The following RBM47 variants were observed in gnomAD, a reference collection of about 807,000 sequenced individuals.
RBM47 encodes RNA binding motif protein 47, also known as RNA-binding protein 47.
Under a neutral mutation model 47.1 loss-of-function variants are expected in RBM47, and 21 were observed. The observed-to-expected ratio is 0.45, with a 90% CI of 0.32 to 0.64. The LOEUF is 0.64. Ranked by LOEUF, RBM47 falls within the 30% of genes least tolerant of loss-of-function variation. The pLI, the probability that RBM47 is intolerant of heterozygous loss-of-function variation, is 0.05. For missense variants in RBM47, 708 were observed against 870.9 expected (o/e 0.81, Z 2.35); for synonymous variants, 375 against 361.7 (o/e 1.04, Z -0.42).
intron 2 of RBM47, among the ~76,000 whole-genome samples, chr4:40,477,790 C>G (rs1035803447): frequency 1.3e-5 from 2 of 152,046 alleles, no homozygotes; most frequent in African/African-American, 4.8e-5. Context: ...AAAAAATGAG[C>G]AAATTTTTCC....
At chr4:40,527,365 C>A (rs1291137841) in intron 2 of RBM47, among the ~76,000 whole-genome samples, 1 of 151,144 alleles carries the variant, frequency 6.6e-6, no homozygotes, top group African/African-American at 2.4e-5. Flanking sequence ...CGGCTCACTG[C>A]AACCTCTGCC....
chr4:40,590,071 A>C (rs1020678432), intron 1 of RBM47, among the ~76,000 whole-genome samples: 5 of 152,182 alleles, frequency 3.3e-5, no homozygotes, highest in African/African-American at 1.2e-4. Context: ...TTCCCCAAAC[A>C]TTAGGGACAG....
chr4:40,434,624 C>A (rs1007461013), intron 5 of RBM47, among the ~76,000 whole-genome samples: 1 of 31,106 alleles, frequency 3.2e-5, no homozygotes. Context: ...TTACTTTGCC[C>A]ACAGTGCCAA....
chr4:40,502,741 G>C (rs1015353972), intron 2 of RBM47, among the ~76,000 whole-genome samples: 1 of 151,790 alleles, frequency 6.6e-6, no homozygotes, highest in Non-Finnish European at 1.5e-5. Context: ...AGCTATTCAG[G>C]AGGTTGAGGC....
intron 2 of RBM47, among the ~76,000 whole-genome samples, chr4:40,496,808 G>C (rs978359848): frequency 6.6e-6 from 1 of 152,170 alleles, no homozygotes; most frequent in Non-Finnish European, 1.5e-5. Context: ...GGGAGGCAAA[G>C]GTGGGTGGAT....
intron 1 of RBM47, among the ~76,000 whole-genome samples, chr4:40,616,227 G>C (rs1197736396): frequency 6.6e-6 from 1 of 152,086 alleles, no homozygotes; most frequent in East Asian, 1.9e-4. Flanking sequence ...GGTGGCGGGC[G>C]CCTGTAGTCC....
chr4:40,576,042 G>A (rs1002723156), intron 1 of RBM47, among the ~76,000 whole-genome samples: 2 of 152,206 alleles, frequency 1.3e-5, no homozygotes, highest in Admixed American at 1.3e-4. Context: ...GTTCTCCTTT[G>A]GATCGGACAC....
intron 1 of RBM47, among the ~76,000 whole-genome samples, chr4:40,556,199 C>G (rs1015873518): frequency 2.6e-5 from 4 of 151,854 alleles, no homozygotes; most frequent in East Asian, 1.9e-4. Flanking sequence ...CCGCGTCTGG[C>G]TTATTTTTGT....
chr4:40,513,924 G>A (rs1379066498), intron 2 of RBM47, among the ~76,000 whole-genome samples: 1 of 151,930 alleles, frequency 6.6e-6, no homozygotes, highest in Non-Finnish European at 1.5e-5. Context: ...TCACCTTGTT[G>A]GCCAGGCTCG....
At chr4:40,562,377 T>C (rs1014399044) in intron 1 of RBM47, among the ~76,000 whole-genome samples, 1 of 152,066 alleles carries the variant, frequency 6.6e-6, no homozygotes. Flanking sequence ...AAGATCATTC[T>C]ACTGTGAAAT....
At chr4:40,461,039 G>C (rs1430708465) in intron 3 of RBM47, among the ~76,000 whole-genome samples, 1 of 151,876 alleles carries the variant, frequency 6.6e-6, no homozygotes, top group Admixed American at 6.6e-5. Context: ...ATTAATTAAA[G>C]AAACTCAAGA....
chr4:40,454,923 A>G (rs1716003289), intron 3 of RBM47, among the ~76,000 whole-genome samples: 1 of 152,100 alleles, frequency 6.6e-6, no homozygotes, highest in Non-Finnish European at 1.5e-5. Context: ...ATTCTTTGCT[A>G]CTTACTTACT....
intron 5 of RBM47, among the ~76,000 whole-genome samples, chr4:40,434,015 G>A (rs60885644): frequency 0.037 from 3,955 of 106,234 alleles, 286 homozygotes; most frequent in East Asian, 0.079. Flanking sequence ...GTGTGTGTGT[G>A]TGTGTGTGTG....
At chr4:40,444,669 GTT>G (rs773605501) in intron 3 of RBM47, among the ~76,000 whole-genome samples, 12 of 139,494 alleles carry the variant, frequency 8.6e-5, no homozygotes, top group African/African-American at 1.6e-4. Context: ...AATTCTAACT[GTT>G]TTTTTTTTTT....
chr4:40,472,226 TG>T (rs1325070320), intron 2 of RBM47, among the ~76,000 whole-genome samples: 1 of 152,212 alleles, frequency 6.6e-6, no homozygotes, highest in Admixed American at 6.5e-5. Context: ...TCTGAGATGT[TG>T]TTACTACCTT....
chr4:40,565,598 C>T (rs933936795), intron 1 of RBM47, among the ~76,000 whole-genome samples: 1 of 152,150 alleles, frequency 6.6e-6, no homozygotes. Context: ...GATTTGGGCT[C>T]AAATCTTATT....
intron 1 of RBM47, among the ~76,000 whole-genome samples, chr4:40,600,178 G>GA (rs1735115543): frequency 7.6e-6 from 1 of 132,380 alleles, no homozygotes; most frequent in South Asian, 2.4e-4. Flanking sequence ...ATTTTTTTAT[G>GA]AATTTTTTTT....
chr4:40,475,670 A>G (rs1415973685), intron 2 of RBM47: 1 of 152,182 alleles, frequency 6.6e-6, no homozygotes, highest in African/African-American at 2.4e-5. Context: ...CTCTTCATTT[A>G]AAACAAATAA....
chr4:40,580,259 G>A lies in RBM47; in HGVS notation c.-239-35753C>T, dbSNP rs999438886. ...CTCTTAGAATCCAAGTGACTCATCT[G>A]TGTGCTTGAATCCTTTCCACTGTCT... On this transcript the variant is annotated intron_variant, in intron 1 of 6. Transcript: ENST00000295971. Among the ~76,000 whole-genome samples, 5 of 151,642 alleles carry A rather than the reference G, an allele frequency of 3.3e-5. 1 individual carries two copies. The highest frequency in any genetic ancestry group is 4.2e-4 in the South Asian group (2 of 4,796).
Sources: allele counts gnomAD v4.1 joint callset (sites outside exome capture counted in the v4.1 genomes callset), GRCh38; gene constraint gnomAD v4.1.1; transcripts MANE v1.5; gene names NCBI Gene and HGNC (gene_info 2026-07-23, HGNC 2026-07-21).